The following SHE variants were observed in gnomAD, a reference collection of about 807,000 sequenced individuals.
The protein encoded by SHE is Src homology 2 domain containing E.
In SHE, 11 loss-of-function variants were observed where a neutral mutation model predicts 49.8. That is an observed-to-expected ratio of 0.22 (90% confidence interval 0.14 to 0.37). The LOEUF (loss-of-function observed/expected upper bound fraction) is 0.37. SHE is among the 10% of genes least tolerant of loss of function. SHE has a pLI of 1.00. For missense variants in SHE, 624 were observed against 655.5 expected, an observed-to-expected ratio of 0.95 and a Z score of 0.52; for synonymous variants, 310 against 278.1, an observed-to-expected ratio of 1.11 and a Z score of -1.14.
In SHE at chr1:154,489,060, C is replaced by G. The variant is rs1382969211; in HGVS notation, c.1015G>C (p.Ala339Pro). The G allele has an allele frequency of 6.3e-7, 1 of 1,574,896 alleles. No homozygotes were observed. The change falls in exon 3 of 6, where the codon GCT becomes CCT. Residue 339 changes from alanine to proline, a missense_variant. Ala to Pro is a conservative substitution (Grantham distance 27, BLOSUM62 -1). Around this residue, in one of 4 missense-constraint regions of SHE, gnomAD observed 155 missense variants for 142.0 expected, o/e 1.09. Coordinates refer to ENST00000304760, the MANE Select transcript of SHE (RefSeq NM_001010846.3). ...GGCCTGGCGCCCTCACCTGACAGAG[C>G]CCGCACGATCTGCTCCTTCTTCCAC... ...WEWKKEQIVR[A>P]LSVQFEGAER... is the part of the protein sequence containing the mutation.
chr1:154,479,786 A>C lies in SHE; in HGVS notation c.*4363T>G. On this transcript the variant is annotated 3_prime_UTR_variant, in exon 6 of 6. Coordinates refer to ENST00000304760, the MANE Select transcript of SHE (RefSeq NM_001010846.3). Reference sequence around the variant, plus strand: ...GTTGCCAGCATATTAATTAAAATACAATTTGAGATTCTAAATTACACGATC... The same window carrying C: ...GTTGCCAGCATATTAATTAAAATACCATTTGAGATTCTAAATTACACGATC... 1.0e-6 allele frequency: 1 copy of C among 985,426 alleles called. No homozygotes were observed. The highest frequency in any genetic ancestry group is 1.2e-6 in the Non-Finnish European group (1 of 829,912). 61.0% of individuals were successfully genotyped at this position (985,426 alleles called of 1,614,324 possible).
At chr1:154,489,843 C>G (rs985078200) in intron 2 of SHE, among the ~76,000 whole-genome samples, 8 of 152,208 alleles carry the variant, frequency 5.3e-5, no homozygotes, top group African/African-American at 1.7e-4. Flanking sequence ...ATGGTTTAGC[C>G]TAGCCCACCT....
At chr1:154,490,391 T>C (rs551257319) in intron 2 of SHE, among the ~76,000 whole-genome samples, 33 of 152,318 alleles carry the variant, frequency 2.2e-4, no homozygotes, top group African/African-American at 7.7e-4. Flanking sequence ...AAGAGAAAAC[T>C]GAAGCACAAA....
In SHE at chr1:154,483,363, T is replaced by G. The variant is rs1692072380; in HGVS notation, c.*786A>C. On this transcript the variant is annotated 3_prime_UTR_variant, in exon 6 of 6. Coordinates refer to ENST00000304760, the MANE Select transcript of SHE (RefSeq NM_001010846.3). ...TTCTGAGGGAGAAAGACCACCTTCT[T>G]GCCCGTCATTCACATTTTCTCCCGC... The G allele has an allele frequency of 3.0e-6, 3 of 985,420 alleles. No homozygotes were observed. The highest frequency in any genetic ancestry group is 1.1e-4 in the East Asian group (1 of 8,814). The allele number at this position is 985,420 out of a possible 1,614,324, so 61.0% of individuals were successfully genotyped here.
Position 154,480,656 on chromosome 1 carries a change from TAAGA to T in SHE, c.*3489_*3492del, listed in dbSNP as rs562402912. 1,817 of 985,418 alleles carry T rather than the reference TAAGA, an allele frequency of 1.8e-3. 2 individuals carry two copies. Among genetic ancestry groups the T allele is most frequent in the Non-Finnish European group, 2.1e-3 (1,732 of 829,924 alleles). 61.0% of individuals were successfully genotyped at this position (985,418 alleles called of 1,614,324 possible). A position where few individuals can be genotyped will look rare whatever the true frequency, so the allele number is the denominator to read the frequency against. On this transcript the variant is annotated 3_prime_UTR_variant, in exon 6 of 6. Coordinates refer to ENST00000304760, the MANE Select transcript of SHE (RefSeq NM_001010846.3). ...AAGAATAAAGGCTTTCTAAAATGCT[TAAGA>T]AAGTGCTTTGAATAACTTAAAATGA...
At chr1:154,498,382 C>A (rs1332702078) in intron 2 of SHE, among the ~76,000 whole-genome samples, 1 of 149,818 alleles carries the variant, frequency 6.7e-6, no homozygotes, top group Non-Finnish European at 1.5e-5. Flanking sequence ...AGGCGTGAGC[C>A]ACTGCGCCTG....
chr1:154,501,472 C>G lies in SHE; in HGVS notation c.555G>C (p.Glu185Asp), dbSNP rs762730108. The G allele has an allele frequency of 6.2e-7, 1 of 1,614,162 alleles. No individual in the cohort carries two copies. The highest frequency in any genetic ancestry group is 1.1e-5 in the South Asian group (1 of 91,088). Residue 185 changes from glutamate to aspartate, a missense_variant, in exon 1 of 6, where the codon GAG becomes GAC. Transcript: ENST00000304760. The part of the protein sequence containing the change: ...ASSSPSSLGP[E>D]LDKGKIIKQQ... ...GCTTAATAATCTTGCCCTTGTCCAG[C>G]TCGGGCCCCAGGGAGGAAGGGGAAG...
rs1025820423 is a variant in SHE, at chr1:154,502,071, G to A, written c.-45C>T. The A allele has an allele frequency of 8.1e-7, 1 of 1,236,790 alleles. No homozygotes were observed. Among genetic ancestry groups the A allele is most frequent in the Non-Finnish European group, 1.0e-6 (1 of 989,788 alleles). 76.6% of individuals were successfully genotyped at this position (1,236,790 alleles called of 1,614,324 possible). On this transcript the variant is annotated 5_prime_UTR_variant, in exon 1 of 6. Transcript: ENST00000304760. ...GGAGGCCGCGGCGAGGCCCCGCGACGGCTGCTCCGTGCGCCCCCGGCCGGC... is the reference window on the plus strand; with the variant it reads ...GGAGGCCGCGGCGAGGCCCCGCGACAGCTGCTCCGTGCGCCCCCGGCCGGC...
At chr1:154,501,313 G>A in intron 1 of SHE, 123 bp downstream of exon 1, 1 of 846,416 alleles carries the variant, frequency 1.2e-6, no homozygotes, top group South Asian at 1.8e-5. Flanking sequence ...AAATGGTGGA[G>A]GGAGAAAGGA....
At chr1:154,496,849 T>A (rs1692547031) in intron 2 of SHE, among the ~76,000 whole-genome samples, 1 of 152,108 alleles carries the variant, frequency 6.6e-6, no homozygotes, top group Non-Finnish European at 1.5e-5. Flanking sequence ...TAAACAGATG[T>A]ATGGTATAAA....
At position 154,489,175 on chromosome 1, in the gene SHE, C is replaced by T. The variant is rs1692285182; in HGVS notation, c.900G>A (p.Gly300=). 10 of 1,614,162 alleles carry T rather than the reference C, an allele frequency of 6.2e-6. No individual in the cohort carries two copies. Among genetic ancestry groups the T allele is most frequent in the Non-Finnish European group, 8.5e-6 (10 of 1,180,022 alleles). ...GCCGCGCCTTCCCCTCTGCCCTGGG[C>T]CCCCCTTCTGCAGGCTCGTAGGGAG... The part of the protein sequence containing the change: ...YDTPYEPAEG[G]PRAEGKARPP... Residue 300 remains glycine, a synonymous_variant, in exon 3 of 6, where the codon GGG becomes GGA. Transcript: ENST00000304760.
intron 5 of SHE, 198 bp downstream of exon 5, chr1:154,485,745 A>G (rs1692156872): frequency 3.7e-6 from 2 of 539,368 alleles, no homozygotes; most frequent in Admixed American, 3.0e-5. Flanking sequence ...ATCATAATAG[A>G]TAATGGAGGC....
At position 154,483,346 on chromosome 1, in the gene SHE, G is replaced by A; in HGVS notation, c.*803C>T. ...CAGAGCTGAATTAGGACTTCTGAGG[G>A]AGAAAGACCACCTTCTTGCCCGTCA... On this transcript the variant is annotated 3_prime_UTR_variant, in exon 6 of 6. Coordinates refer to ENST00000304760, the MANE Select transcript of SHE (RefSeq NM_001010846.3). 1.0e-6 allele frequency: 1 copy of A among 985,396 alleles called. No homozygotes were observed. The highest frequency in any genetic ancestry group is 4.7e-5 in the South Asian group (1 of 21,280). The allele number at this position is 985,396 out of a possible 1,614,324, so 61.0% of individuals were successfully genotyped here.
chr1:154,489,387 C>T (rs749949662), intron 2 of SHE, 31 bp from the exon 3 acceptor site: 4 of 1,593,914 alleles, frequency 2.5e-6, no homozygotes, highest in Non-Finnish European at 3.4e-6. Flanking sequence ...CTGAAAAACA[C>T]ACACCATACA....
In SHE at chr1:154,480,843, G is replaced by A. The variant is rs1047253895; in HGVS notation, c.*3306C>T. On this transcript the variant is annotated 3_prime_UTR_variant, in exon 6 of 6. Transcript: ENST00000304760. ...ACTATGGTATCAAAGTAAATAGCAA[G>A]GTCCTTTACTCTCTCTTCTTATAGG... 4 of 985,248 alleles carry A rather than the reference G, an allele frequency of 4.1e-6. No homozygotes were observed. Among genetic ancestry groups the A allele is most frequent in the Admixed American group, 1.2e-4 (2 of 16,254 alleles). The allele number at this position is 985,248 out of a possible 1,614,324, so 61.0% of individuals were successfully genotyped here. A position where few individuals can be genotyped will look rare whatever the true frequency, so the allele number is the denominator to read the frequency against.
rs773065894 is a variant in SHE, at chr1:154,501,574, G to A, written c.453C>T (p.Asp151=). The A allele has an allele frequency of 1.2e-6, 2 of 1,614,022 alleles. No individual in the cohort carries two copies. Among genetic ancestry groups the A allele is most frequent in the African/African-American group, 1.3e-5 (1 of 74,944 alleles). ...TGCTCTTCCCGTTCTTCTCCTGAGTGTCCACCTTGATGAGCCTGTTGATGT... is the reference window on the plus strand; with the variant it reads ...TGCTCTTCCCGTTCTTCTCCTGAGTATCCACCTTGATGAGCCTGTTGATGT... ...STYINRLIKV[D]TQEKNGKSNY... Residue 151 remains aspartate, a synonymous_variant, in exon 1 of 6, where the codon GAC becomes GAT. Transcript: ENST00000304760.
In SHE at chr1:154,480,995, C is replaced by T. The variant is rs1403571527; in HGVS notation, c.*3154G>A. On this transcript the variant is annotated 3_prime_UTR_variant, in exon 6 of 6. Coordinates refer to ENST00000304760, the MANE Select transcript of SHE (RefSeq NM_001010846.3). Reference sequence around the variant, plus strand: ...AATTCAAGGCAAATTCACTGAAAGACATTCTTCTCACCAGAGAATATCCTG... The same window carrying T: ...AATTCAAGGCAAATTCACTGAAAGATATTCTTCTCACCAGAGAATATCCTG... The T allele has an allele frequency of 1.0e-6, 1 of 985,312 alleles. No homozygotes were observed. The highest frequency in any genetic ancestry group is 1.2e-6 in the Non-Finnish European group (1 of 829,940). The allele number at this position is 985,312 out of a possible 1,614,324, so 61.0% of individuals were successfully genotyped here.
At chr1:154,473,865 T>TA (rs1691813078) in intron 1 of SHE, among the ~76,000 whole-genome samples, 1 of 152,326 alleles carries the variant, frequency 6.6e-6, no homozygotes, top group Non-Finnish European at 1.5e-5. Context: ...CCATGTGCTT[T>TA]ATAAACAGGA....
intron 1 of SHE, among the ~76,000 whole-genome samples, chr1:154,471,853 T>C (rs550872648): frequency 3.9e-5 from 6 of 152,296 alleles, no homozygotes; most frequent in Admixed American, 6.5e-5. Flanking sequence ...CATTTTGATA[T>C]GTCAGTATGA....
Sources: allele counts gnomAD v4.1 joint callset (sites outside exome capture counted in the v4.1 genomes callset), GRCh38; gene constraint gnomAD v4.1.1; regional missense constraint gnomAD v4.1.1; transcripts MANE v1.5; gene names NCBI Gene and HGNC (gene_info 2026-07-23, HGNC 2026-07-21).